Variants in THOC2 observed in about 807,000 individuals in gnomAD.
THOC2 encodes the protein THO complex subunit 2.
Under a neutral mutation model 128.4 loss-of-function variants are expected in THOC2, and 10 were observed. That is an observed-to-expected ratio of 0.08 (90% CI 0.05 to 0.13). The LOEUF is 0.13. THOC2 is among the 10% of genes least tolerant of loss of function. The pLI is 1.00. For missense variants in THOC2, 535 were observed against 1,155.7 expected (o/e 0.46, Z 7.79); for synonymous variants, 393 against 396.9 (o/e 0.99, Z 0.12).
intron 4 of THOC2, among the ~76,000 whole-genome samples, chrX:123,700,756 T>C (rs2034082144): frequency 8.9e-6 from 1 of 112,105 alleles, no homozygotes; most frequent in Non-Finnish European, 1.9e-5. Context: ...ATTTTTCTGA[T>C]CTGTACTCCT....
intron 1 of THOC2, among the ~76,000 whole-genome samples, chrX:123,720,611 C>T (rs2147980060): frequency 9.0e-6 from 1 of 111,649 alleles, no homozygotes; most frequent in South Asian, 3.8e-4. Flanking sequence ...AGCTGCACTC[C>T]CATGTTCACT....
At chrX:123,725,601 A>G (rs1486482932) in intron 1 of THOC2, among the ~76,000 whole-genome samples, 2 of 77,380 alleles carry the variant, frequency 2.6e-5, no homozygotes, top group Non-Finnish European at 4.6e-5. Context: ...TGGGGAACAG[A>G]GTGAGACCCT....
chrX:123,656,214 T>C, intron 12 of THOC2, among the ~76,000 whole-genome samples: 1 of 105,793 alleles, frequency 9.5e-6, no homozygotes, highest in East Asian at 3.0e-4. Flanking sequence ...TCCCAGCTAC[T>C]GAGGAGGCTG....
chrX:123,698,198 G>T (rs755762687), intron 4 of THOC2, among the ~76,000 whole-genome samples: 7 of 111,287 alleles, frequency 6.3e-5, no homozygotes, highest in Non-Finnish European at 1.3e-4. Flanking sequence ...AGTGGCTCAC[G>T]CCTGCAATCC....
intron 15 of THOC2, among the ~76,000 whole-genome samples, chrX:123,644,291 G>A (rs1569362833): frequency 9.0e-6 from 1 of 111,450 alleles, no homozygotes; most frequent in Non-Finnish European, 1.9e-5. Flanking sequence ...TCCTTAAAAA[G>A]AAAAAACAAA....
chrX:123,606,912 C>T (rs2046493210), intron 38 of THOC2, among the ~76,000 whole-genome samples: 1 of 111,594 alleles, frequency 9.0e-6, no homozygotes, highest in South Asian at 3.8e-4. Flanking sequence ...GAGCAAATGT[C>T]AGCTTAGCAC....
Position 123,671,651 on chromosome X carries a change from G to T in THOC2, c.861+18C>A, listed in dbSNP as rs759927685. On this transcript the variant is annotated intron_variant, in intron 9 of 38. Coordinates refer to ENST00000245838, the MANE Select transcript of THOC2 (RefSeq NM_001081550.2). ...TGGGACAGACAATCAAGTATTCTTA[G>T]CAGCCCACTTGACTTACATGTACAT... 3.3e-5 allele frequency: 33 copies of T among 1,007,107 alleles called. No homozygotes were observed. The East Asian group carries it at 1.0e-3, about 32-fold the overall frequency. 83.0% of individuals were successfully genotyped at this position (1,007,107 alleles called of 1,213,427 possible). A position where few individuals can be genotyped will look rare whatever the true frequency, so the allele number is the denominator to read the frequency against.
intron 1 of THOC2, among the ~76,000 whole-genome samples, chrX:123,729,299 G>A (rs1205121779): frequency 8.9e-6 from 1 of 111,780 alleles, no homozygotes; most frequent in Non-Finnish European, 1.9e-5. Flanking sequence ...GAAACATAAT[G>A]GGATATCTAG....
At chrX:123,705,405 G>T (rs2050885152) in intron 3 of THOC2, among the ~76,000 whole-genome samples, 1 of 111,347 alleles carries the variant, frequency 9.0e-6, no homozygotes, top group African/African-American at 3.3e-5. Context: ...TTTCTTAAGG[G>T]CTCTGAACTC....
At chrX:123,732,867 C>T in intron 1 of THOC2, 85 bp downstream of exon 1, 1 of 1,011,064 alleles carries the variant, frequency 9.9e-7, no homozygotes, top group Non-Finnish European at 1.4e-6. Context: ...ACATCTTTCC[C>T]CCTCAACCTC....
At chrX:123,677,982 C>T (rs1236336606) in intron 8 of THOC2, among the ~76,000 whole-genome samples, 1 of 110,589 alleles carries the variant, frequency 9.0e-6, no homozygotes, top group African/African-American at 3.3e-5. Flanking sequence ...TCATCAGTAT[C>T]ACTGTCTTCC....
intron 8 of THOC2, among the ~76,000 whole-genome samples, chrX:123,675,704 ATTC>A (rs1167017766): frequency 9.0e-6 from 1 of 110,843 alleles, no homozygotes; most frequent in African/African-American, 3.3e-5. Context: ...TGGAGATTAG[ATTC>A]TTCTCCACCC....
At chrX:123,605,215 A>G (rs185654583) in intron 38 of THOC2, among the ~76,000 whole-genome samples, 1 of 111,491 alleles carries the variant, frequency 9.0e-6, no homozygotes, top group African/African-American at 3.3e-5. Context: ...AGACACACTC[A>G]GGGCAAATGT....
intron 12 of THOC2, among the ~76,000 whole-genome samples, chrX:123,648,087 G>C (rs181410883): frequency 1.8e-4 from 20 of 110,925 alleles, no homozygotes; most frequent in Admixed American, 1.2e-3. Context: ...AATGATTTCT[G>C]CATTTCCAAC....
At chrX:123,664,361 C>A (rs2048968517) in intron 12 of THOC2, among the ~76,000 whole-genome samples, 1 of 112,221 alleles carries the variant, frequency 8.9e-6, no homozygotes, top group African/African-American at 3.2e-5. Context: ...CAAATGGGAT[C>A]TAACTAACTA....
intron 38 of THOC2, among the ~76,000 whole-genome samples, chrX:123,607,982 C>T (rs2046541916): frequency 9.0e-6 from 1 of 111,026 alleles, no homozygotes; most frequent in African/African-American, 3.3e-5. Context: ...GGCATGGCAG[C>T]TCATGCCTAC....
chrX:123,732,670 G>A (rs2052327187), intron 1 of THOC2, among the ~76,000 whole-genome samples: 1 of 111,949 alleles, frequency 8.9e-6, no homozygotes, highest in Non-Finnish European at 1.9e-5. Context: ...AAGAGGGAGC[G>A]CGGAGACCTG....
intron 10 of THOC2, 106 bp from the exon 11 acceptor site, chrX:123,667,384 G>T: frequency 1.9e-6 from 1 of 538,699 alleles, no homozygotes; most frequent in Non-Finnish European, 3.0e-6. Flanking sequence ...AAAAATATTT[G>T]CTATTCATGG....
chrX:123,634,761 C>T (rs1426282046), intron 19 of THOC2, among the ~76,000 whole-genome samples: 2 of 111,022 alleles, frequency 1.8e-5, no homozygotes, highest in Non-Finnish European at 3.8e-5. Context: ...GGAAGCGAGG[C>T]AGGGAAGGAA....
Sources: gnomAD v4.1 joint callset for allele counts (sites outside exome capture counted in the v4.1 genomes callset) on GRCh38, gnomAD v4.1.1 for gene constraint, MANE v1.5 for transcripts, NCBI Gene and HGNC (gene_info 2026-07-23, HGNC 2026-07-21) for gene names.